Variants in ERBB4 observed in about 807,000 individuals in gnomAD.
ERBB4 encodes the protein erb-b2 receptor tyrosine kinase 4.
Under a neutral mutation model 158.0 loss-of-function variants are expected in ERBB4, and 42 were observed. That is an observed-to-expected ratio of 0.27 (90% confidence interval 0.21 to 0.34). The LOEUF is 0.34. Ranked by LOEUF, ERBB4 falls within the 10% of genes least tolerant of loss-of-function variation. ERBB4 has a pLI of 1.00. For synonymous variants in ERBB4, 583 were observed against 558.7 expected (o/e 1.04, Z -0.61); for missense variants, 1,333 against 1,624.1 (o/e 0.82, Z 3.08).
chr2:211,966,059 C>T (rs1199854006), intron 2 of ERBB4, among the ~76,000 whole-genome samples: 2 of 151,938 alleles, frequency 1.3e-5, no homozygotes. Context: ...AAAAAAATGT[C>T]AAAATTTAGC....
intron 1 of ERBB4, among the ~76,000 whole-genome samples, chr2:212,164,096 C>T (rs751103973): frequency 7.2e-5 from 11 of 151,960 alleles, no homozygotes; most frequent in Non-Finnish European, 1.6e-4. Context: ...GCCATCTTGC[C>T]TGGCCTGAAC....
At chr2:212,126,606 TATTATAAATC>T (rs2079938361) in intron 1 of ERBB4, among the ~76,000 whole-genome samples, 1 of 152,094 alleles carries the variant, frequency 6.6e-6, no homozygotes, top group South Asian at 2.1e-4. Context: ...TAAAAATAGA[TATTATAAATC>T]TATTAATAAT....
chr2:211,659,132 T>C (rs1457926130), intron 15 of ERBB4, among the ~76,000 whole-genome samples: 1 of 152,112 alleles, frequency 6.6e-6, no homozygotes, highest in Non-Finnish European at 1.5e-5. Context: ...TAAATAACTC[T>C]AAACATTGGT....
At chr2:212,095,707 C>A (rs1459674189) in intron 2 of ERBB4, among the ~76,000 whole-genome samples, 1 of 151,866 alleles carries the variant, frequency 6.6e-6, no homozygotes, top group Non-Finnish European at 1.5e-5. Flanking sequence ...CCGAGGCGGG[C>A]GGATCACGAG....
intron 19 of ERBB4, among the ~76,000 whole-genome samples, chr2:211,617,977 T>C (rs1425125958): frequency 6.6e-6 from 1 of 152,024 alleles, no homozygotes; most frequent in East Asian, 1.9e-4. Context: ...AATACATAAT[T>C]TTATTCCATC....
intron 19 of ERBB4, among the ~76,000 whole-genome samples, chr2:211,599,610 C>CT (rs991848132): frequency 1.3e-5 from 2 of 150,514 alleles, no homozygotes; most frequent in African/African-American, 2.4e-5. Context: ...TGTTAAATGT[C>CT]TTCTTTCACC....
At chr2:211,698,274 T>C (rs1012420243) in intron 12 of ERBB4, among the ~76,000 whole-genome samples, 2 of 147,372 alleles carry the variant, frequency 1.4e-5, no homozygotes, top group Admixed American at 6.8e-5. Context: ...ATCGTGCCAT[T>C]GCACTCCAGC....
At chr2:212,486,253 G>C (rs1689973714) in intron 1 of ERBB4, among the ~76,000 whole-genome samples, 1 of 152,016 alleles carries the variant, frequency 6.6e-6, no homozygotes, top group South Asian at 2.1e-4. Flanking sequence ...AAAATGAGGG[G>C]AGAAGGAGAG....
chr2:212,420,193 C>A (rs752308846), intron 1 of ERBB4, among the ~76,000 whole-genome samples: 5 of 151,978 alleles, frequency 3.3e-5, no homozygotes, highest in African/African-American at 4.8e-5. Context: ...ACCAAAAGTA[C>A]AGCCAATTAT....
At chr2:211,505,678 G>A (rs1266577002) in intron 20 of ERBB4, among the ~76,000 whole-genome samples, 1 of 152,010 alleles carries the variant, frequency 6.6e-6, no homozygotes, top group African/African-American at 2.4e-5. Flanking sequence ...TTATAGACAG[G>A]GGCTGGGCAT....
chr2:212,256,498 A>G (rs890218174), intron 1 of ERBB4, among the ~76,000 whole-genome samples: 3 of 152,190 alleles, frequency 2.0e-5, no homozygotes, highest in Non-Finnish European at 4.4e-5. Context: ...GAAAAATAAG[A>G]AAGTTACATG....
chr2:212,445,081 T>C (rs1051576902), intron 1 of ERBB4, among the ~76,000 whole-genome samples: 3 of 152,138 alleles, frequency 2.0e-5, no homozygotes, highest in Non-Finnish European at 4.4e-5. Context: ...CTCATGCTCA[T>C]GGAATTCACT....
intron 18 of ERBB4, among the ~76,000 whole-genome samples, chr2:211,621,743 G>A (rs142336502): frequency 3.5e-4 from 53 of 152,130 alleles, no homozygotes; most frequent in African/African-American, 1.1e-3. Context: ...ATGGAAGTAC[G>A]TTATAATACA....
At chr2:212,192,005 ATAATATATGT>A (rs2082267557) in intron 1 of ERBB4, among the ~76,000 whole-genome samples, 2 of 97,664 alleles carry the variant, frequency 2.0e-5, no homozygotes, top group African/African-American at 9.3e-5. Context: ...TATGTTATAT[ATAATATATGT>A]TATATGTTAT....
At chr2:211,590,651 C>T (rs2068432155) in intron 19 of ERBB4, among the ~76,000 whole-genome samples, 1 of 152,212 alleles carries the variant, frequency 6.6e-6, no homozygotes, top group Admixed American at 6.5e-5. Flanking sequence ...TCTTTATAAA[C>T]TTTGATCTCC....
intron 20 of ERBB4, among the ~76,000 whole-genome samples, chr2:211,505,902 G>C (rs953306284): frequency 6.8e-6 from 1 of 147,956 alleles, no homozygotes; most frequent in African/African-American, 2.5e-5. Flanking sequence ...AGAGCTTGCA[G>C]TGAGCCAAGA....
chr2:212,427,528 G>T (rs778049514), intron 1 of ERBB4, among the ~76,000 whole-genome samples: 25 of 152,030 alleles, frequency 1.6e-4, no homozygotes, highest in Non-Finnish European at 2.6e-4. Context: ...TAAGTGTTTC[G>T]CACTGTATGA....
At chr2:211,817,128 C>G (rs1044370753) in intron 3 of ERBB4, among the ~76,000 whole-genome samples, 1 of 152,202 alleles carries the variant, frequency 6.6e-6, no homozygotes, top group African/African-American at 2.4e-5. Flanking sequence ...AGTCCATCCT[C>G]AAACAGTCAC....
chr2:211,879,392 A>G (rs559363053), intron 3 of ERBB4, among the ~76,000 whole-genome samples: 18 of 152,330 alleles, frequency 1.2e-4, no homozygotes, highest in African/African-American at 3.6e-4. Context: ...AGCAATGAAC[A>G]TTACCAAATA....
Sources: allele counts gnomAD v4.1 joint callset (sites outside exome capture counted in the v4.1 genomes callset), GRCh38; gene constraint gnomAD v4.1.1; transcripts MANE v1.5; gene names NCBI Gene and HGNC (gene_info 2026-07-23, HGNC 2026-07-21).